The following PRIM2 variants were observed in gnomAD, a reference collection of about 807,000 sequenced individuals.
PRIM2 encodes DNA primase large subunit.
A neutral mutation model predicts 67.3 loss-of-function variants in PRIM2; 39 were observed. The ratio of observed to expected loss-of-function variants is 0.58; its 90% CI spans 0.45 to 0.76. The LOEUF (loss-of-function observed/expected upper bound fraction) is 0.76. Ranked by LOEUF, PRIM2 falls within the 30% of genes least tolerant of loss-of-function variation. PRIM2 has a pLI of 0.00. For synonymous variants in PRIM2, 143 were observed against 198.7 expected (o/e 0.72, Z 2.36); for missense variants, 398 against 598.7 (o/e 0.66, Z 3.50).
At chr6:57,642,506 G>C (rs1198345440) in intron 13 of PRIM2, among the ~76,000 whole-genome samples, 4 of 129,496 alleles carry the variant, frequency 3.1e-5, no homozygotes, top group Admixed American at 8.9e-5. Flanking sequence ...GCAGTGGCGC[G>C]ATCTCGACTC....
intron 11 of PRIM2, among the ~76,000 whole-genome samples, chr6:57,605,228 T>G (rs1456705675): frequency 6.6e-6 from 1 of 152,160 alleles, no homozygotes; most frequent in Non-Finnish European, 1.5e-5. Flanking sequence ...TGGCCAGAAG[T>G]TTTCTTTTTT....
At chr6:57,355,318 ATAAGT>A (rs1768997052) in intron 5 of PRIM2, among the ~76,000 whole-genome samples, 1 of 115,924 alleles carries the variant, frequency 8.6e-6, no homozygotes, top group Non-Finnish European at 1.9e-5. Context: ...AAAAAAAAAA[ATAAGT>A]AAATAAAAAA....
intron 5 of PRIM2, among the ~76,000 whole-genome samples, chr6:57,345,104 C>T (rs1768626693): frequency 6.7e-6 from 1 of 149,244 alleles, no homozygotes; most frequent in African/African-American, 2.5e-5. Flanking sequence ...CTGAAGTTTC[C>T]CCCACACAGA....
intron 7 of PRIM2, among the ~76,000 whole-genome samples, chr6:57,496,296 A>T (rs1774003173): frequency 6.6e-6 from 1 of 152,212 alleles, no homozygotes; most frequent in African/African-American, 2.4e-5. Flanking sequence ...GTTTAGTAAT[A>T]TTTAGGTAAA....
intron 5 of PRIM2, among the ~76,000 whole-genome samples, chr6:57,327,631 C>G (rs1767910486): frequency 6.6e-6 from 1 of 152,352 alleles, no homozygotes; most frequent in South Asian, 2.1e-4. Flanking sequence ...GCATCTTCCA[C>G]TTTGCTTTTA....
chr6:57,257,270 ATT>A, the PRIM2 span, among the ~76,000 whole-genome samples: 17,124 of 144,542 alleles, frequency 0.12, 1,055 homozygotes, highest in Non-Finnish European at 0.14. Context: ...ATCTGTAGGC[ATT>A]TTTTTTTTTT....
the PRIM2 span, among the ~76,000 whole-genome samples, chr6:57,309,029 A>C: frequency 6.6e-6 from 1 of 152,000 alleles, no homozygotes; most frequent in Non-Finnish European, 1.5e-5. Context: ...AGAGAAGGTC[A>C]GCAGATAAAC....
chr6:57,579,144 A>ATTT (rs1776027696), intron 10 of PRIM2, among the ~76,000 whole-genome samples: 1 of 146,500 alleles, frequency 6.8e-6, no homozygotes, highest in Admixed American at 7.1e-5. Flanking sequence ...GTTTTTTCTA[A>ATTT]TTCTTGATAC....
At chr6:57,425,413 C>T (rs1366236026) in intron 7 of PRIM2, among the ~76,000 whole-genome samples, 2 of 152,090 alleles carry the variant, frequency 1.3e-5, no homozygotes, top group African/African-American at 4.8e-5. Flanking sequence ...GATGGGGTTT[C>T]ACCATGTTGG....
intron 7 of PRIM2, among the ~76,000 whole-genome samples, chr6:57,457,044 G>A (rs1231589574): frequency 6.6e-6 from 1 of 152,202 alleles, no homozygotes; most frequent in Non-Finnish European, 1.5e-5. Flanking sequence ...GGAGTTTGCT[G>A]GAGGTCCACT....
intron 12 of PRIM2, among the ~76,000 whole-genome samples, chr6:57,624,750 TC>T (rs1377745768): frequency 6.6e-6 from 1 of 152,200 alleles, no homozygotes; most frequent in East Asian, 1.9e-4. Flanking sequence ...TAGTGAGACT[TC>T]TACCTTCATG....
the PRIM2 span, among the ~76,000 whole-genome samples, chr6:57,305,764 A>T: frequency 1.3e-5 from 2 of 152,208 alleles, no homozygotes; most frequent in Non-Finnish European, 2.9e-5. Flanking sequence ...CTTAAATTTA[A>T]ATAGGGAAAG....
rs982183395 is a variant in PRIM2 at position 57,354,921 on chromosome 6, G to T, written c.460-24980G>T. Among the ~76,000 whole-genome samples the T allele has an allele frequency of 1.1e-4, 17 of 152,150 alleles. 1 individual carries two copies. On this transcript the variant is annotated intron_variant, in intron 5 of 13. Coordinates refer to ENST00000615550, the MANE Select transcript of PRIM2 (RefSeq NM_000947.5). Reference sequence around the variant, plus strand: ...CCTTTGGGTCTTTGACTATTTTCCTGGCTCTTTTTTCTTCCTGCTGTGAGT... The same window carrying T: ...CCTTTGGGTCTTTGACTATTTTCCTTGCTCTTTTTTCTTCCTGCTGTGAGT...
chr6:57,314,764 A>AT (rs1334100654), upstream of PRIM2: 4 of 152,186 alleles, frequency 2.6e-5, no homozygotes, highest in African/African-American at 4.8e-5. Context: ...GTGTCAATCA[A>AT]TTTTTTGTAG....
intron 12 of PRIM2, among the ~76,000 whole-genome samples, chr6:57,613,838 T>A (rs1474129795): frequency 0.034 from 5,195 of 152,202 alleles, 290 homozygotes; most frequent in African/African-American, 0.12. Flanking sequence ...TCTTTTTTTT[T>A]ATTTATTTTT....
intron 10 of PRIM2, among the ~76,000 whole-genome samples, chr6:57,578,373 T>C (rs1343501507): frequency 4.6e-5 from 7 of 152,140 alleles, no homozygotes; most frequent in African/African-American, 1.4e-4. Context: ...CATCCCTCCA[T>C]GGATCTTGCC....
chr6:57,294,739 G>T, the PRIM2 span, among the ~76,000 whole-genome samples: 1 of 151,438 alleles, frequency 6.6e-6, no homozygotes, highest in African/African-American at 2.4e-5. Context: ...AAAAGTACAT[G>T]GAGAAAAATA....
At chr6:57,477,682 G>A (rs1773508429) in intron 7 of PRIM2, among the ~76,000 whole-genome samples, 1 of 152,080 alleles carries the variant, frequency 6.6e-6, no homozygotes, top group Non-Finnish European at 1.5e-5. Context: ...TATTTTAGTT[G>A]AAGACTATAG....
intron 7 of PRIM2, among the ~76,000 whole-genome samples, chr6:57,502,499 G>C: frequency 6.6e-6 from 1 of 152,246 alleles, no homozygotes; most frequent in African/African-American, 2.4e-5. Flanking sequence ...TGCTAATGCC[G>C]CGATTTTTTT....
Sources: allele counts gnomAD v4.1 joint callset (sites outside exome capture counted in the v4.1 genomes callset), GRCh38; gene constraint gnomAD v4.1.1; transcripts MANE v1.5; gene names NCBI Gene and HGNC (gene_info 2026-07-23, HGNC 2026-07-21).